The following NAPEPLD variants were observed in gnomAD, a reference collection of about 807,000 sequenced individuals.
NAPEPLD encodes N-acyl-phosphatidylethanolamine-hydrolyzing phospholipase D.
Under a neutral mutation model 38.1 loss-of-function variants are expected in NAPEPLD, and 23 were observed. The observed-to-expected ratio is 0.60, with a 90% CI of 0.43 to 0.86. The LOEUF (loss-of-function observed/expected upper bound fraction) is 0.86, where lower values mean the gene tolerates loss of function less well. Among genes scored for constraint, NAPEPLD ranks in the 40% least tolerant of loss-of-function variants. NAPEPLD has a pLI of 0.00. For synonymous variants in NAPEPLD, 147 were observed against 162.0 expected, an observed-to-expected ratio of 0.91 and a Z score of 0.71; for missense variants, 411 against 476.8, an observed-to-expected ratio of 0.86 and a Z score of 1.28.
chr7:103,128,658 G>C lies in NAPEPLD; in HGVS notation c.119C>G (p.Ser40Cys), dbSNP rs1259603039. 1 of 1,614,070 alleles carries C rather than the reference G, an allele frequency of 6.2e-7. No homozygotes were observed. Among genetic ancestry groups the C allele is most frequent in the East Asian group, 2.2e-5 (1 of 44,874 alleles). The change falls in exon 2 of 5, where the codon TCT becomes TGT. Residue 40 changes from serine to cysteine, a missense_variant. Transcript: ENST00000465647. ...NSGASDSSRF[S>C]RKSFKLDYRL... Reference sequence around the variant, plus strand: ...ATAATCCAGTTTGAAGCTTTTCCTAGAAAACCTAGAAGAATCACTTGCTCC... The same window carrying C: ...ATAATCCAGTTTGAAGCTTTTCCTACAAAACCTAGAAGAATCACTTGCTCC...
chr7:103,120,718 T>C (rs1806508319), intron 2 of NAPEPLD, among the ~76,000 whole-genome samples: 1 of 130,136 alleles, frequency 7.7e-6, no homozygotes, highest in Admixed American at 7.9e-5. Flanking sequence ...TTTTTTTTTT[T>C]TTTTTTTTTG....
chr7:103,135,926 C>A (rs1262796383), intron 1 of NAPEPLD, among the ~76,000 whole-genome samples: 1 of 151,946 alleles, frequency 6.6e-6, no homozygotes. Flanking sequence ...AACTCCTAAA[C>A]GTTGTTTTAA....
At position 103,119,566 on chromosome 7, in the gene NAPEPLD, A is replaced by G; in HGVS notation, c.941+11T>C. 6.3e-7 allele frequency: 1 copy of G among 1,592,036 alleles called. No individual in the cohort carries two copies. The highest frequency in any genetic ancestry group is 8.6e-7 in the Non-Finnish European group (1 of 1,168,534). On this transcript the variant is annotated intron_variant, in intron 3 of 4. Transcript: ENST00000465647. ...ACATAGCAGGAATGTTTTCTTTGGA[A>G]GTCTACATACCTCGGTTCATAAGCT...
rs1802503192 is a variant in NAPEPLD, at chr7:103,102,173, TAAAAAC to T, written c.*1250_*1255del. ...GAAAAAAAAAATGTGTAGAGAAAAT[TAAAAAC>T]AAATTTAATTCAAAGAATATGGTCT... On this transcript the variant is annotated 3_prime_UTR_variant, in exon 5 of 5. Transcript: ENST00000465647. 1 of 152,108 alleles carries T rather than the reference TAAAAAC, an allele frequency of 6.6e-6. No individual in the cohort carries two copies. The highest frequency in any genetic ancestry group is 1.5e-5 in the Non-Finnish European group (1 of 68,012). 9.4% of individuals were successfully genotyped at this position (152,108 alleles called of 1,614,324 possible). A position where few individuals can be genotyped will look rare whatever the true frequency, so the allele number is the denominator to read the frequency against.
chr7:103,103,778 A>G (rs1802754392), intron 4 of NAPEPLD, among the ~76,000 whole-genome samples: 1 of 152,256 alleles, frequency 6.6e-6, no homozygotes, highest in Admixed American at 6.5e-5. Context: ...TGCCAACACC[A>G]TGTATGTGAA....
chr7:103,147,210 GAATCTTATGCTGGA>G (rs1812746854), intron 1 of NAPEPLD, among the ~76,000 whole-genome samples: 2 of 152,352 alleles, frequency 1.3e-5, no homozygotes, highest in African/African-American at 4.8e-5. Context: ...AATATTACTT[GAATCTTATGCTGGA>G]AATCACATGG....
At chr7:103,128,401 C>T in intron 2 of NAPEPLD, 82 bp downstream of exon 2, 1 of 1,498,854 alleles carries the variant, frequency 6.7e-7, no homozygotes, top group Middle Eastern at 1.8e-4. Flanking sequence ...AATTCTATGC[C>T]TTATGATATA....
intron 1 of NAPEPLD, chr7:103,129,248 A>G (rs1298415988): frequency 2.1e-6 from 2 of 937,868 alleles, no homozygotes; most frequent in African/African-American, 3.5e-5. Flanking sequence ...ACAAACAAAC[A>G]AAACAAACAT....
intron 1 of NAPEPLD, among the ~76,000 whole-genome samples, chr7:103,138,478 T>TG (rs1276377929): frequency 6.6e-6 from 1 of 151,332 alleles, no homozygotes; most frequent in East Asian, 2.0e-4. Context: ...CAGCCCTTTT[T>TG]TTTTTTTGAG....
At chr7:103,130,349 C>A (rs575897833) in intron 1 of NAPEPLD, among the ~76,000 whole-genome samples, 1 of 152,174 alleles carries the variant, frequency 6.6e-6, no homozygotes, top group Non-Finnish European at 1.5e-5. Flanking sequence ...CTAAAGCACA[C>A]GCTGTTGCTC....
At chr7:103,124,197 G>A (rs531176771) in intron 2 of NAPEPLD, among the ~76,000 whole-genome samples, 59 of 152,098 alleles carry the variant, frequency 3.9e-4, no homozygotes, top group African/African-American at 1.2e-3. Flanking sequence ...AGTGGCTCAC[G>A]CCTGTAATCC....
chr7:103,128,889 C>T, intron 1 of NAPEPLD, 97 bp from the exon 2 acceptor site: 3 of 1,279,930 alleles, frequency 2.3e-6, no homozygotes, highest in South Asian at 3.1e-5. Flanking sequence ...TTTCTCTAAA[C>T]TTATAAAAAT....
intron 1 of NAPEPLD, among the ~76,000 whole-genome samples, chr7:103,137,227 T>C (rs1479389959): frequency 6.6e-6 from 1 of 152,268 alleles, no homozygotes; most frequent in African/African-American, 2.4e-5. Context: ...CATGAGCCAC[T>C]GCTTCCGGCC....
At chr7:103,132,823 A>C (rs1459516088) in intron 1 of NAPEPLD, among the ~76,000 whole-genome samples, 2 of 151,922 alleles carry the variant, frequency 1.3e-5, no homozygotes, top group East Asian at 3.9e-4. Context: ...AAGAAGAGAA[A>C]AGAAAAAATT....
chr7:103,118,165 G>A (rs1476353259), intron 3 of NAPEPLD, among the ~76,000 whole-genome samples: 2 of 152,186 alleles, frequency 1.3e-5, no homozygotes, highest in Admixed American at 1.3e-4. Flanking sequence ...TCCAACCTGG[G>A]CAACAGAGTG....
chr7:103,141,263 TTTGCAAGCAGATAAAGGCTTATTTTAC>T lies in NAPEPLD; in HGVS notation c.-17+7521_-17+7547del. 1.1e-4 allele frequency: 14 copies of T among 125,458 alleles called. No homozygotes were observed. In the South Asian group the frequency reaches 1.3e-3, roughly 11 times the overall value. The allele number at this position is 125,458 out of a possible 1,614,324, so 7.8% of individuals were successfully genotyped here. A position where few individuals can be genotyped will look rare whatever the true frequency, so the allele number is the denominator to read the frequency against. On this transcript the variant is annotated intron_variant, in intron 1 of 4. Transcript: ENST00000465647. The stretch of plus-strand genomic sequence containing the variant: ...TTGTTTTTTTTTTTTTTTTTTTTTT[TTTGCAAGCAGATAAAGGCTTATTTTAC>T]TTTAATGGCTGATCTATGTAATCAC...
rs537330024 is a variant in NAPEPLD at position 103,141,095 on chromosome 7, T to C, written c.-17+7716A>G. 8.2e-4 allele frequency among the ~76,000 whole-genome samples: 125 copies of C among 152,236 alleles called. 1 individual carries two copies. Among genetic ancestry groups the C allele is most frequent in the Middle Eastern group, 3.4e-3 (1 of 294 alleles). On this transcript the variant is annotated intron_variant, in intron 1 of 4. Transcript: ENST00000465647. ...TTGTTCCCCCCATCTGCTTTTTCCA[T>C]GGCCAAAACAGGTTTTCAAGAAAGA... is the stretch of plus-strand genomic sequence containing the variant.
intron 1 of NAPEPLD, among the ~76,000 whole-genome samples, chr7:103,133,928 A>G (rs1809503009): frequency 6.6e-6 from 1 of 152,248 alleles, no homozygotes; most frequent in South Asian, 2.1e-4. Flanking sequence ...TTTAAGATCC[A>G]TGAATTCTGA....
chr7:103,103,830 AATC>A (rs1281939506), intron 4 of NAPEPLD, among the ~76,000 whole-genome samples: 1 of 152,256 alleles, frequency 6.6e-6, no homozygotes, highest in African/African-American at 2.4e-5. Context: ...GATTGCATGA[AATC>A]ATCACGGTTT....
Sources: gnomAD v4.1 joint callset for allele counts (sites outside exome capture counted in the v4.1 genomes callset) on GRCh38, gnomAD v4.1.1 for gene constraint, MANE v1.5 for transcripts, NCBI Gene and HGNC (gene_info 2026-07-23, HGNC 2026-07-21) for gene names.